The following SRPK2 variants were observed in gnomAD, a reference collection of about 807,000 sequenced individuals.
SRPK2 encodes SFRS protein kinase 2.
In SRPK2, 21 loss-of-function variants were observed where a neutral mutation model predicts 90.8. That is an observed-to-expected ratio of 0.23 (90% CI 0.16 to 0.33). SRPK2 has a LOEUF of 0.33. Ranked by LOEUF, SRPK2 falls within the 10% of genes least tolerant of loss-of-function variation. The pLI is 1.00. For missense variants in SRPK2, 620 were observed against 869.0 expected (o/e 0.71, Z 3.60); for synonymous variants, 288 against 311.1 (o/e 0.93, Z 0.78).
At chr7:105,355,981 G>A (rs1212084205) in intron 2 of SRPK2, among the ~76,000 whole-genome samples, 1 of 152,180 alleles carries the variant, frequency 6.6e-6, no homozygotes, top group Admixed American at 6.6e-5. Flanking sequence ...CTGGAAGGCA[G>A]AAGTTTCAGT....
chr7:105,256,933 G>A (rs528554720), intron 2 of SRPK2, among the ~76,000 whole-genome samples: 4 of 152,296 alleles, frequency 2.6e-5, no homozygotes, highest in Middle Eastern at 3.4e-3. Flanking sequence ...TCCCAGAAGT[G>A]CAATTATTAG....
intron 2 of SRPK2, among the ~76,000 whole-genome samples, chr7:105,267,682 A>G (rs1782051110): frequency 6.6e-6 from 1 of 152,236 alleles, no homozygotes; most frequent in Non-Finnish European, 1.5e-5. Context: ...AAATCAATTT[A>G]AAATGATAAT....
chr7:105,379,562 T>A (rs1430399688), intron 2 of SRPK2, among the ~76,000 whole-genome samples: 1 of 152,114 alleles, frequency 6.6e-6, no homozygotes, highest in African/African-American at 2.4e-5. Flanking sequence ...GGTGGTAGAG[T>A]ATAGACTCGG....
intron 3 of SRPK2, among the ~76,000 whole-genome samples, chr7:105,201,672 G>T (rs989984260): frequency 3.3e-5 from 5 of 151,990 alleles, no homozygotes; most frequent in Admixed American, 3.3e-4. Context: ...CAGGGGTGGT[G>T]ACACATGCCT....
At chr7:105,274,302 C>CTA (rs1257798991) in intron 2 of SRPK2, among the ~76,000 whole-genome samples, 1 of 152,152 alleles carries the variant, frequency 6.6e-6, no homozygotes, top group Non-Finnish European at 1.5e-5. Context: ...TGGCTCATGC[C>CTA]TGTAATCCCA....
intron 11 of SRPK2, among the ~76,000 whole-genome samples, chr7:105,134,293 AG>A (rs897169385): frequency 7.9e-5 from 12 of 152,000 alleles, no homozygotes; most frequent in Non-Finnish European, 1.8e-4. Flanking sequence ...CGTGATACTG[AG>A]TGAGTTCTCA....
intron 2 of SRPK2, among the ~76,000 whole-genome samples, chr7:105,339,930 C>T (rs958844202): frequency 5.9e-5 from 9 of 152,028 alleles, no homozygotes; most frequent in African/African-American, 2.2e-4. Flanking sequence ...CAGTGGCACA[C>T]ACCTGTAGTC....
intron 7 of SRPK2, among the ~76,000 whole-genome samples, chr7:105,158,145 C>A (rs1188398555): frequency 6.6e-6 from 1 of 152,196 alleles, no homozygotes; most frequent in African/African-American, 2.4e-5. Context: ...TGAGGTTCCA[C>A]TGAACCTCAG....
intron 1 of SRPK2, among the ~76,000 whole-genome samples, chr7:105,397,462 G>C (rs149518667): frequency 0.014 from 2,095 of 146,868 alleles, 19 homozygotes; most frequent in African/African-American, 0.036. Flanking sequence ...CCTGAGTAGC[G>C]GGGACTATAG....
chr7:105,337,880 G>C (rs1247680385), intron 2 of SRPK2, among the ~76,000 whole-genome samples: 2 of 151,988 alleles, frequency 1.3e-5, no homozygotes, highest in African/African-American at 4.8e-5. Flanking sequence ...ATATGTAAGG[G>C]AGAAATAATA....
intron 2 of SRPK2, among the ~76,000 whole-genome samples, chr7:105,251,363 C>T (rs180805167): frequency 6.6e-6 from 1 of 152,194 alleles, no homozygotes; most frequent in Admixed American, 6.5e-5. Context: ...AGAAAGGAGG[C>T]AAGCTTTTTT....
intron 2 of SRPK2, among the ~76,000 whole-genome samples, chr7:105,214,473 C>T (rs2129613512): frequency 6.6e-6 from 1 of 152,300 alleles, no homozygotes; most frequent in Non-Finnish European, 1.5e-5. Context: ...GTGATACACA[C>T]ACTCTGTGGC....
At chr7:105,342,069 T>C (rs1815872831) in intron 2 of SRPK2, among the ~76,000 whole-genome samples, 1 of 151,832 alleles carries the variant, frequency 6.6e-6, no homozygotes, top group African/African-American at 2.4e-5. Flanking sequence ...ATCGAGACCA[T>C]CCTAGCTAAC....
chr7:105,346,141 T>C (rs1191259876), intron 2 of SRPK2, among the ~76,000 whole-genome samples: 1 of 152,246 alleles, frequency 6.6e-6, no homozygotes, highest in Non-Finnish European at 1.5e-5. Context: ...CTTCTAAGGT[T>C]TTCTAATCCA....
chr7:105,351,011 T>C (rs1024140281), intron 2 of SRPK2, among the ~76,000 whole-genome samples: 1 of 152,192 alleles, frequency 6.6e-6, no homozygotes, highest in Non-Finnish European at 1.5e-5. Context: ...CATCTGAAAC[T>C]CACGTTAAAA....
intron 2 of SRPK2, among the ~76,000 whole-genome samples, chr7:105,315,031 C>G (rs1812160878): frequency 2.0e-5 from 3 of 152,168 alleles, no homozygotes; most frequent in Admixed American, 1.3e-4. Context: ...AATCCCAGCA[C>G]TCTGGGAGGC....
chr7:105,384,838 C>T (rs1166102310), intron 2 of SRPK2, among the ~76,000 whole-genome samples: 1 of 152,034 alleles, frequency 6.6e-6, no homozygotes. Context: ...CTTCTGTTTC[C>T]ACTACTACCC....
At chr7:105,320,499 C>T (rs1179367445) in intron 2 of SRPK2, among the ~76,000 whole-genome samples, 1 of 152,134 alleles carries the variant, frequency 6.6e-6, no homozygotes, top group Non-Finnish European at 1.5e-5. Flanking sequence ...GAAACAGCAA[C>T]CAGTAAGCTC....
intron 7 of SRPK2, among the ~76,000 whole-genome samples, chr7:105,159,157 A>G (rs1807031973): frequency 6.6e-6 from 1 of 152,030 alleles, no homozygotes; most frequent in Non-Finnish European, 1.5e-5. Flanking sequence ...CCTCTTCTCA[A>G]GTAACATCTG....
Sources: gnomAD v4.1 joint callset for allele counts (sites outside exome capture counted in the v4.1 genomes callset) on GRCh38, gnomAD v4.1.1 for gene constraint, MANE v1.5 for transcripts, NCBI Gene and HGNC (gene_info 2026-07-23, HGNC 2026-07-21) for gene names.